Variants in PTPRK observed in about 807,000 individuals in gnomAD.
PTPRK encodes the protein protein tyrosine phosphatase receptor type K.
In PTPRK, 75 loss-of-function variants were observed where a neutral mutation model predicts 178.0. The observed-to-expected ratio is 0.42, with a 90% CI of 0.35 to 0.51. PTPRK has a LOEUF of 0.51. Ranked by LOEUF, PTPRK falls within the 20% of genes least tolerant of loss-of-function variation. The pLI is 0.02. For missense variants in PTPRK, 1,441 were observed against 1,797.8 expected (o/e 0.80, Z 3.59); for synonymous variants, 637 against 620.6 (o/e 1.03, Z -0.39).
At chr6:127,974,441 G>T (rs1774286225) in intron 27 of PTPRK, among the ~76,000 whole-genome samples, 1 of 152,048 alleles carries the variant, frequency 6.6e-6, no homozygotes, top group South Asian at 2.1e-4. Flanking sequence ...CCTTTGCCTT[G>T]AATACTTCTT....
rs561476410 is a variant in PTPRK, at chr6:128,443,944, C to T, written c.101-46256G>A. On this transcript the variant is annotated intron_variant, in intron 1 of 29. Coordinates refer to ENST00000368226, the MANE Select transcript of PTPRK (RefSeq NM_002844.4). ...CTTGGCTCACTGCAACCTCCACCTCCCAGGTTCAAGCAATTCTCCTGCCTC... is the reference window on the plus strand; with the variant it reads ...CTTGGCTCACTGCAACCTCCACCTCTCAGGTTCAAGCAATTCTCCTGCCTC... 8.7e-4 allele frequency among the ~76,000 whole-genome samples: 133 copies of T among 152,228 alleles called. 1 individual carries two copies. The highest frequency in any genetic ancestry group is 3.2e-3 in the African/African-American group (131 of 41,544).
At chr6:128,124,321 T>A (rs1336064630) in intron 7 of PTPRK, among the ~76,000 whole-genome samples, 1 of 152,222 alleles carries the variant, frequency 6.6e-6, no homozygotes, top group Non-Finnish European at 1.5e-5. Context: ...GTGCTGGGAT[T>A]ACAGGCGTGA....
chr6:128,219,249 T>C (rs759511067), intron 5 of PTPRK, among the ~76,000 whole-genome samples, 153 bp from the exon 6 acceptor site: 3 of 149,018 alleles, frequency 2.0e-5, no homozygotes, highest in Non-Finnish European at 3.0e-5. Flanking sequence ...TGTAAGTAAA[T>C]ACTGGTATCC....
chr6:128,235,692 C>G, intron 5 of PTPRK: 1 of 410,838 alleles, frequency 2.4e-6, no homozygotes, highest in Non-Finnish European at 5.1e-6. Flanking sequence ...TGTGCCATCC[C>G]TCACTTGTTA....
At chr6:128,518,624 G>A (rs1373185099) in intron 1 of PTPRK, among the ~76,000 whole-genome samples, 2 of 152,202 alleles carry the variant, frequency 1.3e-5, no homozygotes, top group African/African-American at 4.8e-5. Context: ...CAACTTGCCT[G>A]CATATAATGA....
At chr6:128,404,681 C>A (rs1275098151) in intron 1 of PTPRK, among the ~76,000 whole-genome samples, 3 of 152,188 alleles carry the variant, frequency 2.0e-5, no homozygotes, top group Non-Finnish European at 4.4e-5. Flanking sequence ...CATCCAACCT[C>A]ATTATTGGAG....
chr6:128,437,995 T>C (rs1239157587), intron 1 of PTPRK, among the ~76,000 whole-genome samples: 2 of 152,240 alleles, frequency 1.3e-5, no homozygotes, highest in Admixed American at 1.3e-4. Context: ...CTGAAGAACC[T>C]GAACATCCGA....
intron 1 of PTPRK, among the ~76,000 whole-genome samples, chr6:128,415,484 C>A: frequency 6.8e-6 from 1 of 146,940 alleles, no homozygotes; most frequent in South Asian, 2.2e-4. Flanking sequence ...GAAAAACATG[C>A]CATTTGAGAT....
intron 13 of PTPRK, among the ~76,000 whole-genome samples, chr6:128,029,881 G>A (rs1369206718): frequency 6.6e-6 from 1 of 152,066 alleles, no homozygotes; most frequent in African/African-American, 2.4e-5. Context: ...AGGTTCCCTA[G>A]AAGCAGAGCC....
intron 29 of PTPRK, among the ~76,000 whole-genome samples, chr6:127,971,950 C>G (rs764325884): frequency 1.3e-5 from 2 of 152,138 alleles, no homozygotes; most frequent in African/African-American, 4.8e-5. Flanking sequence ...ATTCATCCCC[C>G]CTTTCTCATC....
intron 12 of PTPRK, 58 bp from the exon 13 acceptor site, chr6:128,064,852 C>T (rs182118249): frequency 6.7e-5 from 101 of 1,504,488 alleles, no homozygotes; most frequent in Middle Eastern, 5.4e-4. Context: ...TTTCCTGTTT[C>T]ATAAACTATA....
intron 3 of PTPRK, among the ~76,000 whole-genome samples, chr6:128,296,369 G>A (rs1260845379): frequency 6.6e-6 from 1 of 152,118 alleles, no homozygotes; most frequent in Non-Finnish European, 1.5e-5. Flanking sequence ...AGGAAACACA[G>A]AGAATGCCAC....
At chr6:128,238,185 C>CAAAAAAAAAAAAAA (rs58051125) in intron 5 of PTPRK, 76 of 206,436 alleles carry the variant, frequency 3.7e-4, no homozygotes, top group East Asian at 1.2e-3. Flanking sequence ...TAGCAAACGC[C>CAAAAAAAAAAAAAA]AAAAAAAAAA....
rs376058512 is a variant in PTPRK, at chr6:128,255,939, T to C, written c.496-13337A>G. Among the ~76,000 whole-genome samples, 19 of 152,372 alleles carry C rather than the reference T, an allele frequency of 1.2e-4. No homozygotes were observed. In the East Asian group the frequency reaches 2.9e-3, roughly 23 times the overall value. ...AAGAAAAAAACTGTAAGTAGATTCA[T>C]AGGTTTTCTTTATCAGATAGCCAGC... On this transcript the variant is annotated intron_variant, in intron 3 of 29. Coordinates refer to ENST00000368226, the MANE Select transcript of PTPRK (RefSeq NM_002844.4).
At chr6:127,985,571 CTTTTA>C (rs1435309435) in intron 22 of PTPRK, 145 bp downstream of exon 22, 3 of 880,582 alleles carry the variant, frequency 3.4e-6, no homozygotes, top group Non-Finnish European at 4.9e-6. Context: ...TTACAGCCAA[CTTTTA>C]TTTTATTGCT....
chr6:128,518,600 A>G (rs1858452303), intron 1 of PTPRK, among the ~76,000 whole-genome samples: 2 of 152,232 alleles, frequency 1.3e-5, no homozygotes, highest in Admixed American at 1.3e-4. Context: ...CTGTGCAGAA[A>G]TCAATACTCA....
chr6:128,298,111 A>C (rs1358399570), intron 3 of PTPRK, among the ~76,000 whole-genome samples: 1 of 152,232 alleles, frequency 6.6e-6, no homozygotes, highest in Non-Finnish European at 1.5e-5. Context: ...ACCTCTAAGC[A>C]AATAAACTAG....
intron 2 of PTPRK, among the ~76,000 whole-genome samples, chr6:128,388,162 T>G (rs1265480209): frequency 6.6e-6 from 1 of 152,224 alleles, no homozygotes; most frequent in African/African-American, 2.4e-5. Context: ...TGCTAACATA[T>G]CTATATCAAA....
intron 13 of PTPRK, among the ~76,000 whole-genome samples, chr6:128,029,657 A>AATAATG (rs1774950592): frequency 6.8e-6 from 1 of 146,380 alleles, no homozygotes; most frequent in Non-Finnish European, 1.5e-5. Flanking sequence ...TAATAATAAT[A>AATAATG]ATAATAATAA....
Sources: allele counts gnomAD v4.1 joint callset (sites outside exome capture counted in the v4.1 genomes callset), GRCh38; gene constraint gnomAD v4.1.1; transcripts MANE v1.5; gene names NCBI Gene and HGNC (gene_info 2026-07-23, HGNC 2026-07-21).